EPB41L5: variants seen among roughly 807,000 people sequenced by gnomAD.
EPB41L5 encodes erythrocyte membrane protein band 4.1 like 5.
EPB41L5 carries 55 observed loss-of-function variants against 106.6 expected under a neutral mutation model. The observed-to-expected ratio is 0.52, with a 90% confidence interval of 0.42 to 0.65. The LOEUF (loss-of-function observed/expected upper bound fraction) is 0.65. Ranked by LOEUF, EPB41L5 falls within the 30% of genes least tolerant of loss-of-function variation. The probability of loss-of-function intolerance (pLI) is 0.00; values close to 1 mark genes in which losing one functional copy is unlikely to be tolerated. For synonymous variants in EPB41L5, 297 were observed against 306.7 expected (o/e 0.97, Z 0.33); for missense variants, 871 against 882.1 (o/e 0.99, Z 0.16).
At chr2:120,074,031 G>A in intron 4 of EPB41L5, 69 bp from the exon 5 acceptor site, 1 of 1,256,486 alleles carries the variant, frequency 8.0e-7, no homozygotes, top group Non-Finnish European at 1.1e-6. Flanking sequence ...TTTTTGACCA[G>A]TTTTCTGGCT....
At chr2:120,164,741 CTG>C (rs1687313219) in intron 21 of EPB41L5, 93 bp from the exon 22 acceptor site, 3 of 783,304 alleles carry the variant, frequency 3.8e-6, no homozygotes, top group African/African-American at 3.5e-5. Context: ...CTAATCAGGC[CTG>C]TGTCAGAATT....
At chr2:120,132,934 T>C (rs1037870836) in intron 18 of EPB41L5, among the ~76,000 whole-genome samples, 18 of 152,168 alleles carry the variant, frequency 1.2e-4, no homozygotes, top group Non-Finnish European at 2.4e-4. Context: ...ATTGAACAGC[T>C]ACTTGTTTCT....
chr2:120,050,388 C>A (rs2105243850), intron 3 of EPB41L5, among the ~76,000 whole-genome samples: 1 of 152,230 alleles, frequency 6.6e-6, no homozygotes, highest in South Asian at 2.1e-4. Context: ...CTCTAAACTT[C>A]TCACTTCATT....
At chr2:120,095,128 T>C in intron 14 of EPB41L5, among the ~76,000 whole-genome samples, 1 of 152,218 alleles carries the variant, frequency 6.6e-6, no homozygotes, top group East Asian at 1.9e-4. Context: ...GAGTGGAGTA[T>C]TGTAGTCTAC....
chr2:120,166,606 T>G (rs1687423312), intron 22 of EPB41L5, among the ~76,000 whole-genome samples: 1 of 152,170 alleles, frequency 6.6e-6, no homozygotes, highest in Admixed American at 6.5e-5. Flanking sequence ...CCCAGCTAAT[T>G]TTTGTATTTT....
intron 3 of EPB41L5, among the ~76,000 whole-genome samples, chr2:120,049,680 C>G (rs1392470147): frequency 2.6e-5 from 4 of 152,122 alleles, no homozygotes; most frequent in African/African-American, 9.6e-5. Context: ...GTTAATATTG[C>G]CATGTGTGAA....
chr2:120,123,585 T>C (rs2105453699), intron 16 of EPB41L5, among the ~76,000 whole-genome samples: 1 of 151,960 alleles, frequency 6.6e-6, no homozygotes, highest in Admixed American at 6.6e-5. Flanking sequence ...CAATTTCCCC[T>C]TTCCCCATTC....
intron 16 of EPB41L5, among the ~76,000 whole-genome samples, chr2:120,102,687 A>G (rs1269736085): frequency 6.6e-6 from 1 of 151,822 alleles, no homozygotes; most frequent in African/African-American, 2.4e-5. Flanking sequence ...CAACCAATTT[A>G]ATCTACACCT....
chr2:120,167,606 T>C, intron 23 of EPB41L5, 99 bp downstream of exon 23: 1 of 1,310,116 alleles, frequency 7.6e-7, no homozygotes, highest in Non-Finnish European at 1.1e-6. Flanking sequence ...AACATGAGGG[T>C]TGTTATCAAA....
intron 24 of EPB41L5, among the ~76,000 whole-genome samples, chr2:120,171,859 C>T (rs1687688567): frequency 6.6e-6 from 1 of 151,232 alleles, no homozygotes; most frequent in African/African-American, 2.4e-5. Flanking sequence ...AACAGGTAAA[C>T]TGAAAAACAA....
chr2:120,131,760 C>A, intron 18 of EPB41L5, 45 bp downstream of exon 18: 2 of 1,351,520 alleles, frequency 1.5e-6, no homozygotes, highest in Non-Finnish European at 2.1e-6. Context: ...ATCTCCAGAG[C>A]TCCCAGAAAT....
At chr2:120,063,682 AC>A (rs1341623484) in intron 3 of EPB41L5, among the ~76,000 whole-genome samples, 1 of 152,188 alleles carries the variant, frequency 6.6e-6, no homozygotes, top group Non-Finnish European at 1.5e-5. Context: ...GCAGTGGCTC[AC>A]GCCTGTAATC....
intron 16 of EPB41L5, among the ~76,000 whole-genome samples, chr2:120,118,075 T>G (rs1016521561): frequency 3.3e-5 from 5 of 152,194 alleles, no homozygotes; most frequent in Non-Finnish European, 7.3e-5. Flanking sequence ...TTTAATAGAG[T>G]TTTCCTCACT....
intron 2 of EPB41L5, among the ~76,000 whole-genome samples, chr2:120,032,257 A>G (rs765842974): frequency 6.6e-6 from 1 of 152,076 alleles, no homozygotes; most frequent in Non-Finnish European, 1.5e-5. Context: ...GGGCGCCTGT[A>G]ATCCCAGCTA....
At chr2:120,069,487 G>A (rs1681706790) in intron 3 of EPB41L5, among the ~76,000 whole-genome samples, 1 of 152,070 alleles carries the variant, frequency 6.6e-6, no homozygotes, top group Non-Finnish European at 1.5e-5. Context: ...GACATCTACA[G>A]AACTCTCCAC....
intron 11 of EPB41L5, among the ~76,000 whole-genome samples, chr2:120,089,890 AG>A (rs1207007450): frequency 6.6e-6 from 1 of 152,098 alleles, no homozygotes; most frequent in African/African-American, 2.4e-5. Flanking sequence ...GGCTAATGAT[AG>A]TATCTACTCA....
chr2:120,120,720 G>T (rs1685180242), intron 16 of EPB41L5, among the ~76,000 whole-genome samples: 1 of 152,158 alleles, frequency 6.6e-6, no homozygotes, highest in Admixed American at 6.5e-5. Context: ...TGTGGTTAAA[G>T]ACTAAAATAA....
intron 10 of EPB41L5, among the ~76,000 whole-genome samples, chr2:120,084,252 G>A (rs1682900715): frequency 6.6e-6 from 1 of 152,192 alleles, no homozygotes; most frequent in Admixed American, 6.5e-5. Context: ...TGGTTTTGCA[G>A]TGGCTGGTAC....
At chr2:120,136,914 G>A (rs1685946941) in intron 18 of EPB41L5, among the ~76,000 whole-genome samples, 1 of 151,964 alleles carries the variant, frequency 6.6e-6, no homozygotes, top group Admixed American at 6.6e-5. Context: ...TCTAGTGGCA[G>A]CAGAACATAC....
Sources: allele counts gnomAD v4.1 joint callset (sites outside exome capture counted in the v4.1 genomes callset), GRCh38; gene constraint gnomAD v4.1.1; transcripts MANE v1.5; gene names NCBI Gene and HGNC (gene_info 2026-07-23, HGNC 2026-07-21).